SEH1L: variants seen among roughly 807,000 people sequenced by gnomAD.
SEH1L encodes SEH1 like nucleoporin.
A neutral mutation model predicts 49.5 loss-of-function variants in SEH1L; 18 were observed. The ratio of observed to expected loss-of-function variants is 0.36; its 90% confidence interval spans 0.25 to 0.54. The LOEUF is 0.54. Ranked by LOEUF, SEH1L falls within the 20% of genes least tolerant of loss-of-function variation. The probability of loss-of-function intolerance (pLI) is 0.87; values close to 1 mark genes in which losing one functional copy is unlikely to be tolerated. For missense variants in SEH1L, 404 were observed against 528.8 expected (o/e 0.76, Z 2.31); for synonymous variants, 169 against 178.1 (o/e 0.95, Z 0.41).
intron 3 of SEH1L, among the ~76,000 whole-genome samples, chr18:12,958,905 C>G (rs1435094677): frequency 6.6e-6 from 1 of 152,170 alleles, no homozygotes; most frequent in Non-Finnish European, 1.5e-5. Context: ...TTCTATGTTT[C>G]ACGTTTTTAG....
At chr18:12,984,791 T>C (rs962840929) in intron 8 of SEH1L, 3 of 154,250 alleles carry the variant, frequency 1.9e-5, no homozygotes, top group African/African-American at 7.2e-5. Context: ...ATATGTGAAT[T>C]TGTAAGATAA....
At chr18:12,979,276 G>A (rs1052071663) in intron 6 of SEH1L, among the ~76,000 whole-genome samples, 3 of 149,750 alleles carry the variant, frequency 2.0e-5, no homozygotes, top group East Asian at 3.9e-4. Context: ...GACTCTTAAC[G>A]AGCATGCTGC....
intron 1 of SEH1L, among the ~76,000 whole-genome samples, chr18:12,950,848 C>G (rs1035607847): frequency 6.6e-6 from 1 of 152,058 alleles, no homozygotes; most frequent in Non-Finnish European, 1.5e-5. Context: ...GAGATGGAGT[C>G]TTGCCATGTT....
chr18:12,948,238 C>CGCGGCGCTTGCGG lies in SEH1L; in HGVS notation c.111+11_111+23dup. The CGCGGCGCTTGCGG allele has an allele frequency of 6.2e-7, 1 of 1,602,954 alleles. No individual in the cohort carries two copies. Among genetic ancestry groups the CGCGGCGCTTGCGG allele is most frequent in the Non-Finnish European group, 8.5e-7 (1 of 1,173,960 alleles). On this transcript the variant is annotated splice_region_variant and intron_variant, in intron 1 of 8. Transcript: ENST00000399892. ...CCAGCGATCAGAGCGTTAAGGTGCGCGCGGCGCTTGCGGGCGGGGCCGACC... is the reference window on the plus strand; with the variant it reads ...CCAGCGATCAGAGCGTTAAGGTGCGCGCGGCGCTTGCGGGCGGCGCTTGCGGGCGGGGCCGACC...
chr18:12,973,673 CT>C (rs753139651), intron 5 of SEH1L: 5 of 152,220 alleles, frequency 3.3e-5, no homozygotes, highest in Non-Finnish European at 7.3e-5. Flanking sequence ...GCATTTGAGT[CT>C]AGTCTCTTAG....
At chr18:12,986,628 C>G in intron 8 of SEH1L, 1 of 1,140,690 alleles carries the variant, frequency 8.8e-7, no homozygotes, top group Non-Finnish European at 1.1e-6. Context: ...AGATTGTATT[C>G]CTTTCAAGTT....
intron 4 of SEH1L, among the ~76,000 whole-genome samples, chr18:12,964,667 G>C (rs1045820599): frequency 1.1e-5 from 1 of 92,914 alleles, no homozygotes; most frequent in Admixed American, 1.5e-4. Context: ...ATGGAGTCTT[G>C]CCCTATTGCC....
At chr18:12,954,559 C>T (rs1157453566) in intron 2 of SEH1L, among the ~76,000 whole-genome samples, 4 of 152,266 alleles carry the variant, frequency 2.6e-5, no homozygotes, top group African/African-American at 7.2e-5. Context: ...CTCAACCTTC[C>T]AGGCTGAAGT....
At chr18:12,974,993 ATTTTATTTTT>A (rs1568224609) in intron 5 of SEH1L, among the ~76,000 whole-genome samples, 5 of 150,310 alleles carry the variant, frequency 3.3e-5, no homozygotes, top group African/African-American at 1.2e-4. Context: ...TTTTATTTTT[ATTTTATTTTT>A]TTTTTTGAGA....
At chr18:12,969,381 C>G (rs1026012110) in intron 4 of SEH1L, among the ~76,000 whole-genome samples, 3 of 151,500 alleles carry the variant, frequency 2.0e-5, no homozygotes. Context: ...TAGTGAGACT[C>G]CAGTCTCAAT....
intron 8 of SEH1L, chr18:12,985,445 A>C (rs2032425536): frequency 7.7e-7 from 1 of 1,298,706 alleles, no homozygotes; most frequent in South Asian, 2.5e-5. Flanking sequence ...TAGTCAGTTT[A>C]TTGACACTAT....
intron 3 of SEH1L, among the ~76,000 whole-genome samples, chr18:12,962,467 T>C (rs2031230385): frequency 8.0e-6 from 1 of 124,862 alleles, no homozygotes; most frequent in African/African-American, 3.2e-5. Context: ...TTCTTTTTTT[T>C]TTTTTTTTTT....
intron 4 of SEH1L, among the ~76,000 whole-genome samples, chr18:12,967,655 T>C (rs960294443): frequency 3.3e-5 from 5 of 152,194 alleles, no homozygotes; most frequent in Non-Finnish European, 5.9e-5. Context: ...GGCTCACGCC[T>C]GTTATCCCAG....
chr18:12,986,775 G>A (rs1454120182), intron 8 of SEH1L, 87 bp from the exon 9 acceptor site: 13 of 1,159,030 alleles, frequency 1.1e-5, no homozygotes, highest in Non-Finnish European at 1.4e-5. Context: ...GGTTCTCTTT[G>A]TATTTACTAC....
intron 8 of SEH1L, chr18:12,986,634 A>G (rs2032468418): frequency 1.7e-6 from 2 of 1,163,848 alleles, no homozygotes; most frequent in African/African-American, 3.2e-5. Context: ...TATTCCTTTC[A>G]AGTTTCTATA....
intron 8 of SEH1L, chr18:12,986,311 C>G (rs2032455383): frequency 6.1e-6 from 6 of 985,346 alleles, no homozygotes; most frequent in Non-Finnish European, 7.2e-6. Context: ...TTTTACTTAT[C>G]AAAATTTGGT....
chr18:12,980,761 A>C (rs1233291921), intron 6 of SEH1L, among the ~76,000 whole-genome samples: 3 of 14,458 alleles, frequency 2.1e-4, no homozygotes, highest in African/African-American at 7.8e-4. Flanking sequence ...ACTTCCCAGT[A>C]GGGGCGGCCG....
intron 3 of SEH1L, among the ~76,000 whole-genome samples, chr18:12,960,180 A>C (rs972481642): frequency 1.3e-5 from 2 of 152,248 alleles, no homozygotes; most frequent in African/African-American, 4.8e-5. Flanking sequence ...ATGACGCTGA[A>C]GTTATCTTCT....
chr18:12,966,344 G>A (rs1213042976), intron 4 of SEH1L, among the ~76,000 whole-genome samples: 7 of 151,936 alleles, frequency 4.6e-5, no homozygotes, highest in African/African-American at 7.3e-5. Context: ...TGCCGGCCTC[G>A]GCCTCCCAAA....
Sources: gnomAD v4.1 joint callset for allele counts (sites outside exome capture counted in the v4.1 genomes callset) on GRCh38, gnomAD v4.1.1 for gene constraint, MANE v1.5 for transcripts, NCBI Gene and HGNC (gene_info 2026-07-23, HGNC 2026-07-21) for gene names.